The following ALX4 variants were observed in gnomAD, a reference collection of about 807,000 sequenced individuals.
ALX4 encodes the protein homeobox protein aristaless-like 4.
A neutral mutation model predicts 40.6 loss-of-function variants in ALX4; 22 were observed. The observed-to-expected ratio is 0.54, with a 90% confidence interval of 0.39 to 0.77. ALX4 has a LOEUF of 0.77. ALX4 is among the 30% of genes least tolerant of loss of function. ALX4 has a pLI of 0.00. For missense variants in ALX4, 556 were observed against 564.8 expected (o/e 0.98, Z 0.16); for synonymous variants, 266 against 240.5 (o/e 1.11, Z -0.98).
chr11:44,298,334 A>G (rs1226095368), intron 1 of ALX4, among the ~76,000 whole-genome samples: 1 of 152,176 alleles, frequency 6.6e-6, no homozygotes, highest in East Asian at 1.9e-4. Context: ...GGAAGAGCCC[A>G]GGCCTTGGAG....
intron 2 of ALX4, among the ~76,000 whole-genome samples, chr11:44,274,739 T>C (rs1259301521): frequency 1.3e-5 from 2 of 152,188 alleles, no homozygotes; most frequent in Non-Finnish European, 2.9e-5. Flanking sequence ...TGAGTTGGGT[T>C]GAGTGTTGGG....
chr11:44,266,850 G>C (rs1429892225), intron 3 of ALX4, among the ~76,000 whole-genome samples: 1 of 152,170 alleles, frequency 6.6e-6, no homozygotes, highest in African/African-American at 2.4e-5. Context: ...AATGCTCTGG[G>C]GGGAGGGGAG....
chr11:44,294,994 C>T (rs548430386), intron 1 of ALX4, among the ~76,000 whole-genome samples: 19 of 152,114 alleles, frequency 1.2e-4, no homozygotes, highest in African/African-American at 3.1e-4. Context: ...GGATTACAGG[C>T]GCCCACCACC....
intron 1 of ALX4, among the ~76,000 whole-genome samples, chr11:44,277,345 G>A (rs533807168): frequency 6.6e-6 from 1 of 152,162 alleles, no homozygotes; most frequent in African/African-American, 2.4e-5. Flanking sequence ...GCAGCCAACT[G>A]GGTGTCTGCA....
At chr11:44,266,179 A>G (rs1035081467) in intron 3 of ALX4, among the ~76,000 whole-genome samples, 2 of 151,596 alleles carry the variant, frequency 1.3e-5, no homozygotes, top group African/African-American at 4.9e-5. Flanking sequence ...GGCCTCCATC[A>G]CCCCCTCTCA....
At chr11:44,306,105 C>T (rs1033155411) in intron 1 of ALX4, among the ~76,000 whole-genome samples, 8 of 152,190 alleles carry the variant, frequency 5.3e-5, no homozygotes, top group Non-Finnish European at 1.5e-5. Context: ...GGCCAAAGAG[C>T]GGACCCAGAG....
chr11:44,277,560 T>C (rs1256889467), intron 1 of ALX4, among the ~76,000 whole-genome samples: 2 of 152,214 alleles, frequency 1.3e-5, no homozygotes, highest in Non-Finnish European at 2.9e-5. Flanking sequence ...TTTCTTCTTC[T>C]GGAAATAGGT....
chr11:44,264,676 C>T lies in ALX4; in HGVS notation c.*178G>A. 1.5e-6 allele frequency: 1 copy of T among 688,386 alleles called. No homozygotes were observed. The highest frequency in any genetic ancestry group is 2.4e-6 in the Non-Finnish European group (1 of 417,320). The allele number at this position is 688,386 out of a possible 1,614,324, so 42.6% of individuals were successfully genotyped here. On this transcript the variant is annotated 3_prime_UTR_variant, in exon 4 of 4. Transcript: ENST00000652299. ...CCAGGGAGGGGCCAGGGGCCTGCTG[C>T]CCCCTCCCTCCCAGCAGTCCACGGG...
At chr11:44,288,995 T>C (rs951687924) in intron 1 of ALX4, among the ~76,000 whole-genome samples, 2 of 152,204 alleles carry the variant, frequency 1.3e-5, no homozygotes, top group Non-Finnish European at 2.9e-5. Flanking sequence ...CCACCCTGTG[T>C]CTTGCCTTAC....
At chr11:44,292,408 C>CGAA (rs1211234955) in intron 1 of ALX4, among the ~76,000 whole-genome samples, 3 of 122,322 alleles carry the variant, frequency 2.5e-5, no homozygotes, top group Non-Finnish European at 4.9e-5. Context: ...TTTGTAGAGA[C>CGAA]GAGGTGTCAC....
intron 2 of ALX4, among the ~76,000 whole-genome samples, chr11:44,272,890 A>G (rs1290830062): frequency 6.6e-6 from 1 of 152,170 alleles, no homozygotes; most frequent in Non-Finnish European, 1.5e-5. Flanking sequence ...CTTCAGCATC[A>G]CTTCTGGTAG....
intron 1 of ALX4, among the ~76,000 whole-genome samples, chr11:44,291,689 A>G (rs1326501712): frequency 1.3e-5 from 2 of 152,142 alleles, no homozygotes; most frequent in Non-Finnish European, 2.9e-5. Flanking sequence ...TACAGGCATG[A>G]GCCATTGCGC....
In ALX4 at chr11:44,262,377, T is replaced by C. The variant is rs1175656310; in HGVS notation, c.*2477A>G. ...CTGCCTTTGACGAGATGAACAGGAA[T>C]GTTTCACATTGGCATGTTTAATCCT... is the stretch of plus-strand genomic sequence containing the variant. On this transcript the variant is annotated 3_prime_UTR_variant, in exon 4 of 4. Transcript: ENST00000652299. 1 of 152,278 alleles carries C rather than the reference T, an allele frequency of 6.6e-6. No individual in the cohort carries two copies. Among genetic ancestry groups the C allele is most frequent in the Non-Finnish European group, 1.5e-5 (1 of 68,080 alleles). 9.4% of individuals were successfully genotyped at this position (152,278 alleles called of 1,614,324 possible).
chr11:44,288,067 C>G (rs191861386), intron 1 of ALX4, among the ~76,000 whole-genome samples: 16 of 152,290 alleles, frequency 1.1e-4, no homozygotes, highest in Admixed American at 3.3e-4. Flanking sequence ...ACCTCTGCCT[C>G]CCGGGTTCAA....
At chr11:44,288,950 C>T (rs58481253) in intron 1 of ALX4, among the ~76,000 whole-genome samples, 4,052 of 152,272 alleles carry the variant, frequency 0.027, 177 homozygotes, top group African/African-American at 0.093. Context: ...CATCCCCCAG[C>T]TTGTGTCTGG....
intron 1 of ALX4, among the ~76,000 whole-genome samples, chr11:44,292,377 A>AATTTTTTTTTTTTTTTTTTT (rs1565007139): frequency 1.1e-5 from 1 of 93,114 alleles, no homozygotes; most frequent in Non-Finnish European, 2.1e-5. Flanking sequence ...GGCTAATTAA[A>AATTTTTTTTTTTTTTTTTTT]TTTTTTTTTT....
At chr11:44,307,927 A>T (rs1330694371) in intron 1 of ALX4, among the ~76,000 whole-genome samples, 7 of 140,190 alleles carry the variant, frequency 5.0e-5, no homozygotes, top group South Asian at 2.4e-4. Flanking sequence ...TGTGTGGAGC[A>T]GTGGGTGTCT....
At chr11:44,265,238 G>A in intron 3 of ALX4, 55 bp from the exon 4 acceptor site, 2 of 1,487,584 alleles carry the variant, frequency 1.3e-6, no homozygotes, top group Non-Finnish European at 1.8e-6. Context: ...GGTGTGGAAG[G>A]GGCTCGCCCC....
intron 1 of ALX4, among the ~76,000 whole-genome samples, chr11:44,301,803 T>C (rs1956436172): frequency 6.6e-6 from 1 of 152,134 alleles, no homozygotes; most frequent in Non-Finnish European, 1.5e-5. Flanking sequence ...CTCAGTTTGC[T>C]CATGTGCTAA....
Sources: gnomAD v4.1 joint callset for allele counts (sites outside exome capture counted in the v4.1 genomes callset) on GRCh38, gnomAD v4.1.1 for gene constraint, MANE v1.5 for transcripts, NCBI Gene and HGNC (gene_info 2026-07-23, HGNC 2026-07-21) for gene names.